The following SPDYA variants were observed in gnomAD, a reference collection of about 807,000 sequenced individuals.
SPDYA encodes speedy protein A.
SPDYA carries 11 observed loss-of-function variants against 36.7 expected under a neutral mutation model. The observed-to-expected ratio is 0.30, with a 90% CI of 0.19 to 0.50. The LOEUF (loss-of-function observed/expected upper bound fraction) is 0.50. Among genes scored for constraint, SPDYA ranks in the 20% least tolerant of loss-of-function variants. The pLI, the probability that SPDYA is intolerant of heterozygous loss-of-function variation, is 0.98. For missense variants in SPDYA, 287 were observed against 370.9 expected (o/e 0.77, Z 1.86); for synonymous variants, 115 against 118.7 (o/e 0.97, Z 0.20).
intron 4 of SPDYA, among the ~76,000 whole-genome samples, chr2:28,820,017 G>T (rs188003233): frequency 6.8e-5 from 10 of 147,892 alleles, no homozygotes; most frequent in Middle Eastern, 3.4e-3. Flanking sequence ...TCTCAAAAAC[G>T]AACAAAAACC....
At chr2:28,819,281 G>A (rs1668073826) in intron 4 of SPDYA, among the ~76,000 whole-genome samples, 175 bp downstream of exon 4, 1 of 152,074 alleles carries the variant, frequency 6.6e-6, no homozygotes, top group Non-Finnish European at 1.5e-5. Flanking sequence ...GGCTGAGGTG[G>A]GTGGATCACT....
intron 6 of SPDYA, among the ~76,000 whole-genome samples, chr2:28,831,165 T>C (rs994730930): frequency 1.3e-5 from 2 of 152,168 alleles, no homozygotes; most frequent in African/African-American, 4.8e-5. Context: ...AAGACCATCC[T>C]GGGTAACATG....
At chr2:28,828,703 G>C (rs1668397234) in intron 5 of SPDYA, among the ~76,000 whole-genome samples, 1 of 152,216 alleles carries the variant, frequency 6.6e-6, no homozygotes, top group African/African-American at 2.4e-5. Flanking sequence ...GAAAAGATTA[G>C]GAGGAATACT....
chr2:28,811,349 C>T lies in SPDYA; in HGVS notation c.-93+402C>T, dbSNP rs936195777. ...TCCCGTCTCCACGTGTGCCTGCCGC[C>T]TTTATTGTGGGAGGAATGGAGATTT... On this transcript the variant is annotated intron_variant, in intron 1 of 7. Transcript: ENST00000334056. This position sits in a 1 kb window ranked among gnomAD's most constrained non-coding sequence, Gnocchi z 4.2. Among the ~76,000 whole-genome samples the T allele has an allele frequency of 6.6e-6, 1 of 152,214 alleles. No individual in the cohort carries two copies. The highest frequency in any genetic ancestry group is 1.5e-5 in the Non-Finnish European group (1 of 68,042).
At position 28,811,441 on chromosome 2, in the gene SPDYA, C is replaced by A. The variant is rs1048405227; in HGVS notation, c.-93+494C>A. On this transcript the variant is annotated intron_variant, in intron 1 of 7. Transcript: ENST00000334056. The surrounding 1 kb of genome is among the most constrained non-coding windows in gnomAD (Gnocchi z 4.2). The stretch of plus-strand genomic sequence containing the variant: ...AAACACCTCTTTTTGTCCCCAAGAT[C>A]GTCTGCCCCAGAATTTTGAGATCTG... Among the ~76,000 whole-genome samples, 1 of 152,120 alleles carries A rather than the reference C, an allele frequency of 6.6e-6. No homozygotes were observed. Among genetic ancestry groups the A allele is most frequent in the African/African-American group, 2.4e-5 (1 of 41,420 alleles).
chr2:28,844,999 T>C (rs1668835801), intron 7 of SPDYA, among the ~76,000 whole-genome samples: 1 of 152,164 alleles, frequency 6.6e-6, no homozygotes, highest in Non-Finnish European at 1.5e-5. Flanking sequence ...TTGCCCAGGC[T>C]GGTCATGAAC....
chr2:28,811,713 T>C lies in SPDYA; in HGVS notation c.-93+766T>C, dbSNP rs1667850248. On this transcript the variant is annotated intron_variant, in intron 1 of 7. Coordinates refer to ENST00000334056, the MANE Select transcript of SPDYA (RefSeq NM_182756.4). The surrounding 1 kb of genome is among the most constrained non-coding windows in gnomAD (Gnocchi z 4.2). ...GGTGCGCACTTGTAATCCCAGCTAC[T>C]TGGGAGGCTGAGGCGGGAGAATCGC... Among the ~76,000 whole-genome samples, 1 of 151,984 alleles carries C rather than the reference T, an allele frequency of 6.6e-6. No individual in the cohort carries two copies. The highest frequency in any genetic ancestry group is 2.1e-4 in the South Asian group (1 of 4,826).
intron 7 of SPDYA, chr2:28,840,957 C>CA (rs1668737832): frequency 7.1e-6 from 1 of 141,214 alleles, no homozygotes; most frequent in Non-Finnish European, 1.0e-5. Context: ...TTTTTTGAAA[C>CA]AGAGTCTCAC....
intron 5 of SPDYA, among the ~76,000 whole-genome samples, chr2:28,828,571 C>A (rs557494154): frequency 5.3e-5 from 8 of 152,168 alleles, no homozygotes; most frequent in Non-Finnish European, 8.8e-5. Context: ...TTTGATTAGT[C>A]GCCTTATGAT....
At chr2:28,827,004 TGCTCG>T (rs1353203037) in intron 5 of SPDYA, among the ~76,000 whole-genome samples, 1 of 147,600 alleles carries the variant, frequency 6.8e-6, no homozygotes, top group Non-Finnish European at 1.5e-5. Flanking sequence ...CAAGCTGGAG[TGCTCG>T]GCTCACTGCA....
intron 3 of SPDYA, among the ~76,000 whole-genome samples, chr2:28,818,238 C>T (rs964845777): frequency 5.3e-5 from 8 of 152,054 alleles, no homozygotes; most frequent in South Asian, 4.2e-4. Context: ...TGGAACTTTC[C>T]GTATGACTAC....
chr2:28,832,378 CCAA>C (rs1053878509), intron 6 of SPDYA, among the ~76,000 whole-genome samples: 1 of 152,160 alleles, frequency 6.6e-6, no homozygotes, highest in African/African-American at 2.4e-5. Context: ...TTTCACCTCA[CCAA>C]CTTCATTAGA....
rs1315983607 is a variant in SPDYA at position 28,850,089 on chromosome 2, A to C, written c.*148A>C. ...TCAAAATTATATGTATAAGTTATAT[A>C]AGTCATAGTAATAGCTAAAAATGCC... On this transcript the variant is annotated 3_prime_UTR_variant, in exon 8 of 8. Transcript: ENST00000334056. The C allele has an allele frequency of 1.3e-5, 15 of 1,180,520 alleles. No individual in the cohort carries two copies. In the African/African-American group the frequency reaches 2.3e-4, roughly 18 times the overall value. The allele number at this position is 1,180,520 out of a possible 1,614,324, so 73.1% of individuals were successfully genotyped here.
chr2:28,839,617 T>TC (rs777168046), intron 6 of SPDYA, among the ~76,000 whole-genome samples: 60 of 152,318 alleles, frequency 3.9e-4, no homozygotes, highest in Non-Finnish European at 7.6e-4. Flanking sequence ...TTCTCCTGCC[T>TC]CAGCCTCCTG....
At chr2:28,844,003 C>T (rs2148108199) in intron 7 of SPDYA, among the ~76,000 whole-genome samples, 1 of 152,174 alleles carries the variant, frequency 6.6e-6, no homozygotes, top group South Asian at 2.1e-4. Flanking sequence ...AGCCCTGGAT[C>T]ATATAGGGAG....
chr2:28,837,268 C>A (rs1668626702), intron 6 of SPDYA, among the ~76,000 whole-genome samples: 1 of 152,118 alleles, frequency 6.6e-6, no homozygotes, highest in South Asian at 2.1e-4. Flanking sequence ...TTATAATTAT[C>A]ATTACCTGGT....
At chr2:28,819,839 AAAAAAAAAAAATATATATATATATAT>A (rs1358780487) in intron 4 of SPDYA, among the ~76,000 whole-genome samples, 26 of 49,696 alleles carry the variant, frequency 5.2e-4, no homozygotes, top group African/African-American at 2.2e-3. Context: ...AAAAAAAAAA[AAAAAAAAAAAATATATATATATATAT>A]ATATATATAT....
intron 4 of SPDYA, among the ~76,000 whole-genome samples, chr2:28,821,744 C>G (rs1421060240): frequency 6.6e-6 from 1 of 152,126 alleles, no homozygotes; most frequent in Non-Finnish European, 1.5e-5. Flanking sequence ...CAGACAGAAC[C>G]TGGCATATGT....
chr2:28,831,138 C>T (rs1668470025), intron 6 of SPDYA, among the ~76,000 whole-genome samples: 1 of 152,150 alleles, frequency 6.6e-6, no homozygotes, highest in Non-Finnish European at 1.5e-5. Context: ...GCCTGGATCA[C>T]TTGAGTCCAA....
Sources: gnomAD v4.1 joint callset for allele counts (sites outside exome capture counted in the v4.1 genomes callset) on GRCh38, gnomAD v4.1.1 for gene constraint, Gnocchi (gnomAD v3.1) non-coding constraint, MANE v1.5 for transcripts, NCBI Gene and HGNC (gene_info 2026-07-23, HGNC 2026-07-21) for gene names.